NUMA1: variants seen among roughly 807,000 people sequenced by gnomAD.
NUMA1 encodes SP-H antigen.
NUMA1 carries 62 observed loss-of-function variants against 237.1 expected under a neutral mutation model. The observed-to-expected ratio is 0.26, with a 90% CI of 0.21 to 0.32. The LOEUF is 0.32. Among genes scored for constraint, NUMA1 ranks in the 10% least tolerant of loss-of-function variants. NUMA1 has a pLI of 1.00. For synonymous variants in NUMA1, 1,028 were observed against 1,066.1 expected (o/e 0.96, Z 0.70); for missense variants, 2,533 against 2,666.5 (o/e 0.95, Z 1.10).
intron 3 of NUMA1, among the ~76,000 whole-genome samples, chr11:72,031,557 G>A (rs1391620857): frequency 2.0e-5 from 3 of 152,198 alleles, no homozygotes; most frequent in Non-Finnish European, 4.4e-5. Context: ...CACTTGGGGA[G>A]GCTGAGGTGG....
At chr11:72,076,005 A>G (rs1943689158) in intron 1 of NUMA1, among the ~76,000 whole-genome samples, 2 of 152,144 alleles carry the variant, frequency 1.3e-5, no homozygotes, top group African/African-American at 2.4e-5. Flanking sequence ...ATAGACTAGG[A>G]AAAAAAATCT....
intron 3 of NUMA1, 72 bp downstream of exon 3, chr11:72,035,830 C>T: frequency 6.9e-7 from 1 of 1,449,648 alleles, no homozygotes. Flanking sequence ...CTGGCTCCTA[C>T]AAAACTCCTC....
intron 2 of NUMA1, among the ~76,000 whole-genome samples, chr11:72,046,685 GCA>G (rs1942019225): frequency 6.6e-6 from 1 of 152,170 alleles, no homozygotes. Flanking sequence ...GGAGGGCTGG[GCA>G]CAGTGGCTCA....
At position 72,049,560 on chromosome 11, in the gene NUMA1, A is replaced by AATAATATATATATAT. The variant is rs1555034473; in HGVS notation, c.-32-13586_-32-13585insATATATATATATTAT. 6.0e-3 allele frequency: 246 copies of AATAATATATATATAT among 40,994 alleles called. 3 individuals carry two copies. Among genetic ancestry groups the AATAATATATATATAT allele is most frequent in the African/African-American group, 0.02 (233 of 11,814 alleles). The allele number at this position is 40,994 out of a possible 1,614,324, so 2.5% of individuals were successfully genotyped here. A position where few individuals can be genotyped will look rare whatever the true frequency, so the allele number is the denominator to read the frequency against. On this transcript the variant is annotated intron_variant, in intron 2 of 26. Coordinates refer to ENST00000393695, the MANE Select transcript of NUMA1 (RefSeq NM_006185.4). ...CCTGTCTAAAAAAAAAAATAATAAT[A>AATAATATATATATAT]ATATATATATATATATATATATAGT...
chr11:72,016,287 A>G (rs1937731311), intron 14 of NUMA1, 27 bp from the exon 15 acceptor site: 1 of 1,584,524 alleles, frequency 6.3e-7, no homozygotes, highest in Non-Finnish European at 8.6e-7. Context: ...ACAAACTGGG[A>G]TCAGCATGAC....
At chr11:72,028,478 AGAT>A (rs1353138496) in intron 4 of NUMA1, among the ~76,000 whole-genome samples, 2 of 126,304 alleles carry the variant, frequency 1.6e-5, no homozygotes, top group Non-Finnish European at 3.3e-5. Flanking sequence ...AAAAAAAAAA[AGAT>A]GACAACTGAC....
In NUMA1 at chr11:72,003,525, C is replaced by A. The variant is rs1955405845; in HGVS notation, c.*2G>T. ...GTGGGGCCACTCACTGGTACTGGCCCTTTAGTGCTTTGCCTGAAAGAGACA... is the reference window on the plus strand; with the variant it reads ...GTGGGGCCACTCACTGGTACTGGCCATTTAGTGCTTTGCCTGAAAGAGACA... On this transcript the variant is annotated 3_prime_UTR_variant, in exon 27 of 27. Transcript: ENST00000393695. 6.2e-7 allele frequency: 1 copy of A among 1,614,124 alleles called. No homozygotes were observed.
chr11:72,064,868 A>G lies in NUMA1; in HGVS notation c.-33+4974T>C, dbSNP rs536752960. Among the ~76,000 whole-genome samples the G allele has an allele frequency of 5.9e-5, 9 of 152,144 alleles. 1 individual carries two copies. Among genetic ancestry groups the G allele is most frequent in the Non-Finnish European group, 1.2e-4 (8 of 68,028 alleles). ...AACAAAAAAAAGGCAGGATAAAACT[A>G]TTATGGTATGGCCCCATTTTTGAAA... is the stretch of plus-strand genomic sequence containing the variant. On this transcript the variant is annotated intron_variant, in intron 2 of 26. Coordinates refer to ENST00000393695, the MANE Select transcript of NUMA1 (RefSeq NM_006185.4).
chr11:72,017,956 G>A, intron 12 of NUMA1, 129 bp from the exon 13 acceptor site: 2 of 1,138,442 alleles, frequency 1.8e-6, no homozygotes, highest in Non-Finnish European at 2.5e-6. Context: ...ACCAATCACA[G>A]CCATCACACC....
At chr11:72,046,654 A>C (rs1221577365) in intron 2 of NUMA1, among the ~76,000 whole-genome samples, 3 of 151,698 alleles carry the variant, frequency 2.0e-5, no homozygotes, top group Admixed American at 6.6e-5. Flanking sequence ...GGAAGGAAAG[A>C]AATTACTTTA....
chr11:72,036,042 G>A lies in NUMA1; in HGVS notation c.-32-67C>T, dbSNP rs932309281. The stretch of plus-strand genomic sequence containing the variant: ...ATATCCATGATCAAGAAATAAAGGC[G>A]AAATGGTTCAATTTGCCAATTCTCA... On this transcript the variant is annotated intron_variant, in intron 2 of 26. Transcript: ENST00000393695. 35 of 1,251,196 alleles carry A rather than the reference G, an allele frequency of 2.8e-5. 1 individual carries two copies. In the African/African-American group the frequency reaches 3.7e-4, roughly 13 times the overall value. 77.5% of individuals were successfully genotyped at this position (1,251,196 alleles called of 1,614,324 possible).
At chr11:72,028,450 TAA>T (rs11300189) in intron 4 of NUMA1, among the ~76,000 whole-genome samples, 3,984 of 75,472 alleles carry the variant, frequency 0.053, 176 homozygotes, top group African/African-American at 0.17. Flanking sequence ...TGCTTTTTCT[TAA>T]AAAAAAAAAA....
chr11:72,003,727 TTC>T, intron 26 of NUMA1, 158 bp downstream of exon 26: 2 of 992,400 alleles, frequency 2.0e-6, no homozygotes, highest in Admixed American at 4.3e-5. Flanking sequence ...GCCATCTGTC[TTC>T]TCTCCTTGGA....
rs893624330 is a variant in NUMA1 at position 72,004,396 on chromosome 11, C to G, written c.6007-55G>C. The G allele has an allele frequency of 1.8e-5, 27 of 1,497,490 alleles. No individual in the cohort carries two copies. The African/African-American group carries it at 2.6e-4, about 15-fold the overall frequency. 92.8% of individuals were successfully genotyped at this position (1,497,490 alleles called of 1,614,324 possible). ...GTAGCAAGAGGAGTCACATCTGAAG[C>G]CAGGTGTCTTGTCCTCTCAGAGCTG... On this transcript the variant is annotated intron_variant, in intron 24 of 26. Transcript: ENST00000393695.
chr11:72,013,902 C>T lies in NUMA1; in HGVS notation c.3601G>A (p.Asp1201Asn). The T allele has an allele frequency of 6.2e-7, 1 of 1,614,052 alleles. No individual in the cohort carries two copies. The highest frequency in any genetic ancestry group is 8.5e-7 in the Non-Finnish European group (1 of 1,180,052). Reference protein sequence around the residue: ...ELAAFRTKVQDHSKAEDEWKA... With the variant: ...ELAAFRTKVQNHSKAEDEWKA... ...CACTCATCTTCAGCCTTGCTGTGGT[C>T]TTGTACCTTGGTGCGGAAGGCAGCC... Residue 1201 changes from aspartate (D) to asparagine (N), a missense_variant, in exon 15 of 27, where the codon GAC (aspartate) becomes AAC (asparagine). Coordinates refer to ENST00000393695, the MANE Select transcript of NUMA1 (RefSeq NM_006185.4). This position sits in a 1 kb window ranked among gnomAD's most constrained non-coding sequence, Gnocchi z 6.8.
chr11:72,013,126 G>T lies in NUMA1; in HGVS notation c.4377C>A (p.Asn1459Lys). 3 of 1,614,150 alleles carry T rather than the reference G, an allele frequency of 1.9e-6. No individual in the cohort carries two copies. Among genetic ancestry groups the T allele is most frequent in the African/African-American group, 2.7e-5 (2 of 75,058 alleles). Residue 1459 changes from asparagine (N) to lysine (K), a missense_variant, in exon 15 of 27, where the codon AAC becomes AAA. By Grantham distance (94) the Asn-to-Lys change is moderately conservative. Coordinates refer to ENST00000393695, the MANE Select transcript of NUMA1 (RefSeq NM_006185.4). The surrounding 1 kb of genome is among the most constrained non-coding windows in gnomAD (Gnocchi z 6.8). ...CCACTTCCAGAAACTGCCGGCCAAGGTTGGCCCGCTCACCCAGCCCCCGGT... is the reference window on the plus strand; with the variant it reads ...CCACTTCCAGAAACTGCCGGCCAAGTTTGGCCCGCTCACCCAGCCCCCGGT... ...EENRGLGERANLGRQFLEVEL... is the reference protein window; with the variant it reads ...EENRGLGERAKLGRQFLEVEL...
chr11:72,011,827 G>A (rs531793349), intron 16 of NUMA1, among the ~76,000 whole-genome samples: 12 of 152,102 alleles, frequency 7.9e-5, no homozygotes, highest in African/African-American at 2.9e-4. Flanking sequence ...GACCCCTCCT[G>A]CTCCTTCACC....
chr11:72,078,865 A>T (rs568874061), intron 1 of NUMA1, among the ~76,000 whole-genome samples: 1 of 152,208 alleles, frequency 6.6e-6, no homozygotes, highest in Non-Finnish European at 1.5e-5. Context: ...ATATATTCAC[A>T]GCAGTAAAGA....
chr11:72,075,406 A>G (rs1157325544), intron 1 of NUMA1, among the ~76,000 whole-genome samples: 2 of 152,136 alleles, frequency 1.3e-5, no homozygotes, highest in Non-Finnish European at 2.9e-5. Flanking sequence ...GTTGCCTTCT[A>G]AACTCCCAAA....
Sources: gnomAD v4.1 joint callset for allele counts (sites outside exome capture counted in the v4.1 genomes callset) on GRCh38, gnomAD v4.1.1 for gene constraint, Gnocchi (gnomAD v3.1) non-coding constraint, MANE v1.5 for transcripts, NCBI Gene and HGNC (gene_info 2026-07-23, HGNC 2026-07-21) for gene names.